The following ZNF385D variants were observed in gnomAD, a reference collection of about 807,000 sequenced individuals.
ZNF385D encodes the protein zinc finger protein 385D.
In ZNF385D, 15 loss-of-function variants were observed where a neutral mutation model predicts 35.8. That is an observed-to-expected ratio of 0.42 (90% CI 0.28 to 0.64). ZNF385D has a LOEUF of 0.64. Ranked by LOEUF, ZNF385D falls within the 30% of genes least tolerant of loss-of-function variation. The pLI is 0.23. For missense variants in ZNF385D, 474 were observed against 494.6 expected, an observed-to-expected ratio of 0.96 and a Z score of 0.39; for synonymous variants, 212 against 186.8, an observed-to-expected ratio of 1.13 and a Z score of -1.10.
chr3:22,338,698 A>ATTTTTTTT (rs562729331), intron 2 of ZNF385D, among the ~76,000 whole-genome samples: 1 of 125,434 alleles, frequency 8.0e-6, no homozygotes, highest in Admixed American at 8.3e-5. Context: ...TATTCATCTC[A>ATTTTTTTT]TTTTTTTTTT....
chr3:21,687,750 A>G (rs2067152840), intron 1 of ZNF385D, among the ~76,000 whole-genome samples: 1 of 152,224 alleles, frequency 6.6e-6, no homozygotes, highest in African/African-American at 2.4e-5. Context: ...AGGTGGATCT[A>G]AATTCATAGG....
intron 1 of ZNF385D, among the ~76,000 whole-genome samples, chr3:21,682,849 G>A (rs1462401235): frequency 6.7e-6 from 1 of 149,920 alleles, no homozygotes; most frequent in Non-Finnish European, 1.5e-5. Flanking sequence ...TAGACAGTAT[G>A]TAAACAAATG....
chr3:22,251,217 T>C (rs962358495), intron 2 of ZNF385D, among the ~76,000 whole-genome samples: 2 of 152,126 alleles, frequency 1.3e-5, no homozygotes, highest in African/African-American at 4.8e-5. Flanking sequence ...AAAAGAAGAA[T>C]CCGTTTACAT....
At chr3:21,445,343 G>A (rs425968) in intron 4 of ZNF385D, among the ~76,000 whole-genome samples, 97,871 of 151,828 alleles carry the variant, frequency 0.64, 31,825 homozygotes, top group African/African-American at 0.72. Flanking sequence ...GTGGTTACAA[G>A]ACTGATCAGG....
chr3:21,444,308 C>T (rs1014208658), intron 4 of ZNF385D, among the ~76,000 whole-genome samples: 3 of 146,094 alleles, frequency 2.1e-5, no homozygotes, highest in African/African-American at 7.6e-5. Flanking sequence ...TCTTGAACTC[C>T]TGACCTGACG....
At chr3:21,644,363 G>C (rs1478901316) in intron 2 of ZNF385D, among the ~76,000 whole-genome samples, 1 of 152,126 alleles carries the variant, frequency 6.6e-6, no homozygotes, top group Non-Finnish European at 1.5e-5. Context: ...AGGGTGCAAG[G>C]CAGAAGCCCA....
chr3:21,654,659 T>C (rs1053388680), intron 2 of ZNF385D, among the ~76,000 whole-genome samples: 2 of 152,020 alleles, frequency 1.3e-5, no homozygotes, highest in African/African-American at 2.4e-5. Flanking sequence ...TTTTATAAAA[T>C]ACAATAAAAA....
intron 2 of ZNF385D, among the ~76,000 whole-genome samples, chr3:21,602,523 T>C (rs1034553035): frequency 3.1e-5 from 2 of 63,664 alleles, no homozygotes; most frequent in African/African-American, 6.4e-5. Context: ...TTTTCTTTTT[T>C]TTTTTTTTTT....
At chr3:22,154,083 T>C (rs143836575) in intron 3 of ZNF385D, among the ~76,000 whole-genome samples, 3 of 152,244 alleles carry the variant, frequency 2.0e-5, no homozygotes, top group Non-Finnish European at 4.4e-5. Flanking sequence ...CTTATGTGAA[T>C]TGGGAGTAAG....
chr3:21,451,850 C>G (rs1325294977), intron 4 of ZNF385D, among the ~76,000 whole-genome samples: 1 of 151,986 alleles, frequency 6.6e-6, no homozygotes. Context: ...AATCATATAG[C>G]TATTAATTGG....
intron 1 of ZNF385D, among the ~76,000 whole-genome samples, chr3:21,708,960 A>G (rs962483703): frequency 6.6e-6 from 1 of 152,142 alleles, no homozygotes; most frequent in African/African-American, 2.4e-5. Flanking sequence ...TTCTCCTTAA[A>G]GGCAAAGGTT....
At chr3:22,041,411 T>G (rs1158999811) in intron 3 of ZNF385D, among the ~76,000 whole-genome samples, 1 of 151,910 alleles carries the variant, frequency 6.6e-6, no homozygotes, top group Non-Finnish European at 1.5e-5. Flanking sequence ...ACAAAGAAAA[T>G]CAGTCAGAAA....
chr3:22,012,281 C>G (rs1026340269), intron 3 of ZNF385D, among the ~76,000 whole-genome samples: 11 of 152,074 alleles, frequency 7.2e-5, no homozygotes, highest in African/African-American at 2.4e-4. Context: ...AAATACGTAG[C>G]TCTTTTTGAA....
intron 3 of ZNF385D, chr3:21,942,589 T>C (rs766906063): frequency 1.3e-5 from 2 of 152,204 alleles, no homozygotes; most frequent in Non-Finnish European, 1.5e-5. Context: ...ATATGGGCAA[T>C]TGGGGCATCT....
chr3:21,899,372 A>T (rs1443804483), intron 3 of ZNF385D, among the ~76,000 whole-genome samples: 2 of 152,162 alleles, frequency 1.3e-5, no homozygotes, highest in East Asian at 3.9e-4. Flanking sequence ...ACCGGGGAAA[A>T]GAATCTATTA....
At chr3:22,125,842 A>C (rs1703394632) in intron 3 of ZNF385D, among the ~76,000 whole-genome samples, 1 of 152,118 alleles carries the variant, frequency 6.6e-6, no homozygotes, top group Admixed American at 6.6e-5. Flanking sequence ...TCCAAATACA[A>C]GATCATATCA....
chr3:21,974,372 T>C (rs1195883281), intron 3 of ZNF385D, among the ~76,000 whole-genome samples: 1 of 152,006 alleles, frequency 6.6e-6, no homozygotes, highest in East Asian at 1.9e-4. Context: ...GATATGCATA[T>C]ACAAAAGAAT....
chr3:22,193,240 TCA>T (rs1314548575), intron 2 of ZNF385D, among the ~76,000 whole-genome samples: 1 of 152,150 alleles, frequency 6.6e-6, no homozygotes, highest in Non-Finnish European at 1.5e-5. Flanking sequence ...ATAAACTCTT[TCA>T]CAGTGTAGCC....
intron 3 of ZNF385D, among the ~76,000 whole-genome samples, chr3:21,805,308 G>A (rs2072591721): frequency 1.3e-5 from 2 of 149,764 alleles, no homozygotes; most frequent in Admixed American, 6.6e-5. Flanking sequence ...TGTAAATGTG[G>A]GTGTTTAGTG....
Sources: allele counts gnomAD v4.1 joint callset (sites outside exome capture counted in the v4.1 genomes callset), GRCh38; gene constraint gnomAD v4.1.1; transcripts MANE v1.5; gene names NCBI Gene and HGNC (gene_info 2026-07-23, HGNC 2026-07-21).